Variants in FAF2 observed in about 807,000 individuals in gnomAD.
FAF2 encodes FAS-associated factor 2.
Under a neutral mutation model 62.3 loss-of-function variants are expected in FAF2, and 9 were observed. That is an observed-to-expected ratio of 0.14 (90% CI 0.09 to 0.25). The LOEUF (loss-of-function observed/expected upper bound fraction) is 0.25, where lower values mean the gene tolerates loss of function less well. Among genes scored for constraint, FAF2 ranks in the 10% least tolerant of loss-of-function variants. The pLI is 1.00. For missense variants in FAF2, 368 were observed against 556.2 expected (o/e 0.66, Z 3.40); for synonymous variants, 202 against 198.0 (o/e 1.02, Z -0.17).
intron 10 of FAF2, 115 bp downstream of exon 10, chr5:176,500,261 CAGAGAG>C (rs112320561): frequency 1.9e-4 from 167 of 896,300 alleles, no homozygotes; most frequent in Non-Finnish European, 2.7e-4. Context: ...GAACAGGGAA[CAGAGAG>C]AGAGAGAGAG....
At chr5:176,467,484 A>G (rs1469106914) in intron 1 of FAF2, among the ~76,000 whole-genome samples, 1 of 152,000 alleles carries the variant, frequency 6.6e-6, no homozygotes, top group African/African-American at 2.4e-5. Context: ...GGCATGCACA[A>G]CCACACCTGG....
At chr5:176,491,661 T>A (rs1371646656) in intron 4 of FAF2, among the ~76,000 whole-genome samples, 16 of 152,204 alleles carry the variant, frequency 1.1e-4, no homozygotes, top group Admixed American at 1.0e-3. Context: ...CTCTCTGTGA[T>A]GATAGAAACG....
intron 1 of FAF2, among the ~76,000 whole-genome samples, chr5:176,459,596 G>C (rs537400247): frequency 6.6e-6 from 1 of 152,160 alleles, no homozygotes; most frequent in African/African-American, 2.4e-5. Context: ...AGGGGAAGGA[G>C]GTCTGTATTA....
intron 4 of FAF2, among the ~76,000 whole-genome samples, chr5:176,489,533 T>C (rs1445477512): frequency 6.6e-6 from 1 of 152,088 alleles, no homozygotes; most frequent in Non-Finnish European, 1.5e-5. Flanking sequence ...CTTTTCTTTC[T>C]TTTTCTTTCT....
intron 1 of FAF2, among the ~76,000 whole-genome samples, chr5:176,476,842 C>G (rs1015407437): frequency 2.1e-5 from 3 of 141,866 alleles, no homozygotes. Context: ...TGGAGTCTTC[C>G]TCTGTCACCC....
chr5:176,449,347 C>T (rs958854122), intron 1 of FAF2, among the ~76,000 whole-genome samples: 1 of 152,136 alleles, frequency 6.6e-6, no homozygotes, highest in African/African-American at 2.4e-5. Flanking sequence ...GAGGCCAAGG[C>T]CAGCGAATCA....
intron 2 of FAF2, among the ~76,000 whole-genome samples, chr5:176,484,378 C>A (rs1225574735): frequency 6.6e-6 from 1 of 152,214 alleles, no homozygotes; most frequent in Non-Finnish European, 1.5e-5. Flanking sequence ...TTCTACCTTA[C>A]CCGGAACGTG....
intron 1 of FAF2, among the ~76,000 whole-genome samples, chr5:176,461,973 T>C (rs1178855307): frequency 6.6e-6 from 1 of 151,960 alleles, no homozygotes; most frequent in African/African-American, 2.4e-5. Flanking sequence ...TTTACAGGGG[T>C]GTTAGAAGTA....
intron 1 of FAF2, among the ~76,000 whole-genome samples, chr5:176,476,740 C>T (rs1231713795): frequency 6.8e-6 from 1 of 146,418 alleles, no homozygotes; most frequent in Non-Finnish European, 1.5e-5. Flanking sequence ...TCAAGCGATT[C>T]CCCCACCACA....
chr5:176,451,314 T>A (rs1758163814), intron 1 of FAF2, among the ~76,000 whole-genome samples: 1 of 152,088 alleles, frequency 6.6e-6, no homozygotes, highest in South Asian at 2.1e-4. Context: ...GAGGTTGCAG[T>A]GAGCCAAGAT....
intron 1 of FAF2, among the ~76,000 whole-genome samples, chr5:176,467,521 C>T (rs190298839): frequency 2.0e-5 from 3 of 152,172 alleles, no homozygotes; most frequent in Non-Finnish European, 4.4e-5. Context: ...TATACAGAAC[C>T]GGGTTTTGCC....
intron 1 of FAF2, among the ~76,000 whole-genome samples, chr5:176,459,776 A>G (rs1758343906): frequency 1.3e-5 from 2 of 152,092 alleles, no homozygotes; most frequent in Admixed American, 1.3e-4. Flanking sequence ...GGTTTGATAC[A>G]TGAGTAAATT....
At chr5:176,490,227 C>T (rs571828153) in intron 4 of FAF2, among the ~76,000 whole-genome samples, 3 of 151,510 alleles carry the variant, frequency 2.0e-5, no homozygotes, top group Admixed American at 6.6e-5. Flanking sequence ...AGGAGAATGG[C>T]GTGAACCCGG....
intron 3 of FAF2, 31 bp downstream of exon 3, chr5:176,486,520 T>C (rs1758878355): frequency 1.2e-6 from 2 of 1,609,544 alleles, no homozygotes; most frequent in African/African-American, 2.7e-5. Context: ...GATTTCCCCC[T>C]TTTTTATTTA....
intron 5 of FAF2, 70 bp downstream of exon 5, chr5:176,492,402 A>G: frequency 1.4e-6 from 2 of 1,467,860 alleles, no homozygotes; most frequent in Non-Finnish European, 1.8e-6. Flanking sequence ...AGCACAGCCC[A>G]GCACTGATCA....
At chr5:176,502,972 C>T (rs1407169475) in intron 10 of FAF2, among the ~76,000 whole-genome samples, 1 of 151,646 alleles carries the variant, frequency 6.6e-6, no homozygotes, top group African/African-American at 2.4e-5. Flanking sequence ...TGCTTGAACC[C>T]GGGAGGCAGT....
chr5:176,494,130 T>C lies in FAF2; in HGVS notation c.569+46T>C. On this transcript the variant is annotated intron_variant, in intron 6 of 10. Transcript: ENST00000261942. This position sits in a 1 kb window ranked among gnomAD's most constrained non-coding sequence, Gnocchi z 4.0. ...CCTTCTCTTTTCTGACTCTTTCTGGTGACAGTTTATAGTCAGCAAGTTGTT... is the reference window on the plus strand; with the variant it reads ...CCTTCTCTTTTCTGACTCTTTCTGGCGACAGTTTATAGTCAGCAAGTTGTT... 6.2e-7 allele frequency: 1 copy of C among 1,609,892 alleles called. No homozygotes were observed. Among genetic ancestry groups the C allele is most frequent in the Non-Finnish European group, 8.5e-7 (1 of 1,176,822 alleles).
At chr5:176,452,799 G>A (rs1027492659) in intron 1 of FAF2, among the ~76,000 whole-genome samples, 1 of 152,170 alleles carries the variant, frequency 6.6e-6, no homozygotes, top group African/African-American at 2.4e-5. Context: ...CTGTAGATGA[G>A]GGGAGCCATC....
chr5:176,485,033 T>C (rs574823951), intron 2 of FAF2, among the ~76,000 whole-genome samples: 2 of 152,340 alleles, frequency 1.3e-5, no homozygotes, highest in South Asian at 4.1e-4. Flanking sequence ...ATGGTCACAC[T>C]TCTGCAAAAA....
Sources: gnomAD v4.1 joint callset for allele counts (sites outside exome capture counted in the v4.1 genomes callset) on GRCh38, gnomAD v4.1.1 for gene constraint, Gnocchi (gnomAD v3.1) non-coding constraint, MANE v1.5 for transcripts, NCBI Gene and HGNC (gene_info 2026-07-23, HGNC 2026-07-21) for gene names.